Variants in NAV3 observed in about 807,000 individuals in gnomAD.
NAV3 encodes neuron navigator 3, also known as pore membrane and/or filament interacting like protein 1.
In NAV3, 87 loss-of-function variants were observed where a neutral mutation model predicts 244.7. The ratio of observed to expected loss-of-function variants is 0.36; its 90% CI spans 0.30 to 0.42. The LOEUF is 0.42. NAV3 is among the 20% of genes least tolerant of loss of function. The pLI is 1.00. For missense variants in NAV3, 2,663 were observed against 2,893.3 expected, an observed-to-expected ratio of 0.92 and a Z score of 1.83; for synonymous variants, 1,126 against 1,042.2, an observed-to-expected ratio of 1.08 and a Z score of -1.55.
chr12:78,075,693 C>T (rs547278878), intron 12 of NAV3, among the ~76,000 whole-genome samples: 183 of 152,244 alleles, frequency 1.2e-3, no homozygotes, highest in Non-Finnish European at 2.1e-3. Flanking sequence ...TTACCTGAAA[C>T]GGTTTGGGGA....
intron 17 of NAV3, among the ~76,000 whole-genome samples, chr12:78,127,494 CAA>C (rs1955966675): frequency 6.6e-6 from 1 of 152,034 alleles, no homozygotes; most frequent in South Asian, 2.1e-4. Flanking sequence ...CAAAAACAAA[CAA>C]ACAAAAAACT....
At chr12:77,893,729 G>C (rs756454866) in intron 1 of NAV3, among the ~76,000 whole-genome samples, 27 of 152,170 alleles carry the variant, frequency 1.8e-4, no homozygotes, top group Non-Finnish European at 3.7e-4. Context: ...CTCGAATGAG[G>C]CTTTGGAACA....
chr12:77,704,080 T>G (rs1482818284), intron 2 of NAV3, among the ~76,000 whole-genome samples: 1 of 152,236 alleles, frequency 6.6e-6, no homozygotes, highest in East Asian at 1.9e-4. Flanking sequence ...GAATATTAAT[T>G]AAACATATAT....
intron 12 of NAV3, among the ~76,000 whole-genome samples, chr12:78,059,376 C>A (rs539601401): frequency 1.4e-4 from 21 of 152,130 alleles, no homozygotes; most frequent in African/African-American, 4.8e-4. Flanking sequence ...GCAACCTCTG[C>A]CTCCTGGGTT....
At chr12:78,147,740 A>T (rs1379142564) in intron 21 of NAV3, among the ~76,000 whole-genome samples, 2 of 152,068 alleles carry the variant, frequency 1.3e-5, no homozygotes, top group Admixed American at 1.3e-4. Flanking sequence ...TTTTCAACAA[A>T]ATCTAATGCC....
At chr12:77,898,732 T>C (rs1042875804) in intron 1 of NAV3, among the ~76,000 whole-genome samples, 4 of 152,226 alleles carry the variant, frequency 2.6e-5, no homozygotes, top group African/African-American at 9.6e-5. Context: ...ATGAGCTTAC[T>C]ATAGCTTTCA....
chr12:78,149,479 GA>G (rs1956989628), intron 22 of NAV3, among the ~76,000 whole-genome samples: 1 of 152,076 alleles, frequency 6.6e-6, no homozygotes, highest in South Asian at 2.1e-4. Context: ...CAGGATGGCA[GA>G]AATGATGACA....
At chr12:78,193,471 A>T (rs564568808) in intron 34 of NAV3, among the ~76,000 whole-genome samples, 1 of 152,276 alleles carries the variant, frequency 6.6e-6, no homozygotes, top group African/African-American at 2.4e-5. Flanking sequence ...GAAAGCAGTG[A>T]TCTACCATTT....
chr12:77,852,973 G>A (rs1210037371), intron 1 of NAV3, among the ~76,000 whole-genome samples: 4 of 152,142 alleles, frequency 2.6e-5, no homozygotes, highest in Non-Finnish European at 4.4e-5. Context: ...CATAAGAAGC[G>A]ATGTCTGTTG....
intron 2 of NAV3, among the ~76,000 whole-genome samples, chr12:77,603,624 G>T (rs1417611101): frequency 6.6e-6 from 1 of 152,078 alleles, no homozygotes; most frequent in Non-Finnish European, 1.5e-5. Context: ...AATTGAGTAA[G>T]TGAAGTCAGA....
chr12:77,963,930 C>T (rs1593136360), intron 3 of NAV3, among the ~76,000 whole-genome samples: 2 of 126,544 alleles, frequency 1.6e-5, no homozygotes, highest in Admixed American at 8.7e-5. Flanking sequence ...TCCTTCTTCT[C>T]CTCCTTCTGC....
rs553424837 is a variant in NAV3, at chr12:77,584,494, A to G, written c.72+12228A>G. Among the ~76,000 whole-genome samples the G allele has an allele frequency of 9.9e-5, 15 of 152,260 alleles. No homozygotes were observed. The South Asian group carries it at 2.9e-3, about 30-fold the overall frequency. ...TTGGTTAGATTAAATGCTTATGGGTATGCTGTCTTTACATACCCATGTACC... is the reference window on the plus strand; with the variant it reads ...TTGGTTAGATTAAATGCTTATGGGTGTGCTGTCTTTACATACCCATGTACC... On this transcript the variant is annotated intron_variant, in intron 2 of 8. Coordinates refer to the NAV3 transcript ENST00000550042.
At chr12:78,064,393 C>CTG in intron 12 of NAV3, among the ~76,000 whole-genome samples, 1 of 126,918 alleles carries the variant, frequency 7.9e-6, no homozygotes, top group Non-Finnish European at 1.7e-5. Context: ...ATCTATCTAT[C>CTG]TGTGTCTGTC....
Position 77,884,300 on chromosome 12 carries a change from T to C in NAV3, c.243+52596T>C, listed in dbSNP as rs547624863. The stretch of plus-strand genomic sequence containing the variant: ...ATTGATTGACAGATAGATTGATAGA[T>C]AGAAAAGAGGGGATATATCCTGGGA... On this transcript the variant is annotated intron_variant, in intron 1 of 39. Transcript: ENST00000397909. Among the ~76,000 whole-genome samples the C allele has an allele frequency of 1.8e-4, 27 of 152,106 alleles. No homozygotes were observed. In the South Asian group the frequency reaches 5.2e-3, roughly 29 times the overall value.
chr12:77,659,093 G>A (rs201099648), intron 2 of NAV3, among the ~76,000 whole-genome samples: 1 of 151,762 alleles, frequency 6.6e-6, no homozygotes, highest in Admixed American at 6.6e-5. Flanking sequence ...GGCAACAAAA[G>A]CCAAAATTGA....
chr12:78,151,177 T>C (rs1026765028), intron 22 of NAV3, among the ~76,000 whole-genome samples: 1 of 152,054 alleles, frequency 6.6e-6, no homozygotes, highest in Non-Finnish European at 1.5e-5. Flanking sequence ...AACGCCCAAA[T>C]TGCTCTAGGT....
At chr12:77,886,728 T>C (rs1377731332) in intron 1 of NAV3, among the ~76,000 whole-genome samples, 1 of 152,182 alleles carries the variant, frequency 6.6e-6, no homozygotes. Context: ...GATATGCTTT[T>C]TAGAAAAATT....
At chr12:77,832,568 A>G (rs1253319382) in intron 1 of NAV3, among the ~76,000 whole-genome samples, 1 of 152,210 alleles carries the variant, frequency 6.6e-6, no homozygotes, top group Non-Finnish European at 1.5e-5. Flanking sequence ...ACAATGTGTA[A>G]TAATCATATC....
At chr12:78,009,771 T>C (rs1874935303) in intron 8 of NAV3, among the ~76,000 whole-genome samples, 1 of 152,214 alleles carries the variant, frequency 6.6e-6, no homozygotes, top group Admixed American at 6.5e-5. Context: ...AAAGTATGAT[T>C]GATAAAGGAT....
Sources: gnomAD v4.1 joint callset for allele counts (sites outside exome capture counted in the v4.1 genomes callset) on GRCh38, gnomAD v4.1.1 for gene constraint, MANE v1.5 for transcripts, NCBI Gene and HGNC (gene_info 2026-07-23, HGNC 2026-07-21) for gene names.